The following PIN1 variants were observed in gnomAD, a reference collection of about 807,000 sequenced individuals.
PIN1 encodes peptidyl-prolyl cis-trans isomerase NIMA-interacting 1.
PIN1 carries 8 observed loss-of-function variants against 19.9 expected under a neutral mutation model. That is an observed-to-expected ratio of 0.40 (90% CI 0.24 to 0.72). PIN1 has a LOEUF of 0.72. Ranked by LOEUF, PIN1 falls within the 30% of genes least tolerant of loss-of-function variation. The pLI is 0.37. For synonymous variants in PIN1, 86 were observed against 90.8 expected (o/e 0.95, Z 0.30); for missense variants, 185 against 226.5 (o/e 0.82, Z 1.18).
rs946550841 is a variant in PIN1, at chr19:9,836,740, C to T, written c.58+1338C>T. On this transcript the variant is annotated intron_variant, in intron 1 of 3. Transcript: ENST00000247970. ...GTTCCTAGCTCTGCAACACCATGCA[C>T]GGTGTAGTAGCTAAGAGCAGAGCTT... 1.4e-5 allele frequency: 12 copies of T among 879,914 alleles called. No individual in the cohort carries two copies. In the Admixed American group the frequency reaches 1.4e-4, roughly 10 times the overall value. The allele number at this position is 879,914 out of a possible 1,614,324, so 54.5% of individuals were successfully genotyped here. A position where few individuals can be genotyped will look rare whatever the true frequency, so the allele number is the denominator to read the frequency against.
intron 1 of PIN1, chr19:9,835,727 C>G: frequency 2.7e-6 from 1 of 368,920 alleles, no homozygotes; most frequent in South Asian, 5.6e-5. Flanking sequence ...CTGCACCTTG[C>G]TGGGCCCGGG....
chr19:9,838,706 A>G lies in PIN1; in HGVS notation c.271+58A>G. ...GGTCTTCTCCCAGGTGAGCCTTTGT[A>G]GAAGTCACATCAGACCCTTCACCCC... On this transcript the variant is annotated intron_variant, in intron 2 of 3. Transcript: ENST00000247970. The surrounding 1 kb of genome is among the most constrained non-coding windows in gnomAD (Gnocchi z 5.8). The G allele has an allele frequency of 7.2e-7, 1 of 1,388,392 alleles. No individual in the cohort carries two copies. Among genetic ancestry groups the G allele is most frequent in the East Asian group, 2.5e-5 (1 of 39,936 alleles). 86.0% of individuals were successfully genotyped at this position (1,388,392 alleles called of 1,614,324 possible).
rs749148619 is a variant in PIN1 at position 9,849,147 on chromosome 19, G to A, written c.440G>A (p.Ser147Asn). 6.2e-7 allele frequency: 1 copy of A among 1,613,802 alleles called. No individual in the cohort carries two copies. The highest frequency in any genetic ancestry group is 8.5e-7 in the Non-Finnish European group (1 of 1,179,816). ...TTTGCGCTGCGGACGGGGGAGATGAGCGGGCCCGTGTTCACGGATTCCGGC... is the reference window on the plus strand; with the variant it reads ...TTTGCGCTGCGGACGGGGGAGATGAACGGGCCCGTGTTCACGGATTCCGGC... ...ASFALRTGEM[S>N]GPVFTDSGIH... The change falls in exon 4 of 4, where the codon AGC becomes AAC. Residue 147 changes from serine to asparagine, a missense_variant. Physicochemically the swap from Ser to Asn is conservative, Grantham distance 46 (BLOSUM62 1). Transcript: ENST00000247970.
At position 9,847,904 on chromosome 19, in the gene PIN1, G is replaced by A. The variant is rs1599455753; in HGVS notation, c.272-126G>A. 1.5e-5 allele frequency: 11 copies of A among 717,022 alleles called. No homozygotes were observed. The East Asian group carries it at 2.4e-4, about 15-fold the overall frequency. The allele number at this position is 717,022 out of a possible 1,614,324, so 44.4% of individuals were successfully genotyped here. ...GGGGTTGTGGGGAGCATGTGCGCCTGTGAGGGGAGGCTTTCCAACTGAAGT... is the reference window on the plus strand; with the variant it reads ...GGGGTTGTGGGGAGCATGTGCGCCTATGAGGGGAGGCTTTCCAACTGAAGT... On this transcript the variant is annotated intron_variant, in intron 2 of 3. Coordinates refer to ENST00000247970, the MANE Select transcript of PIN1 (RefSeq NM_006221.4).
chr19:9,837,186 C>T (rs1288703432), intron 1 of PIN1: 1 of 254,318 alleles, frequency 3.9e-6, no homozygotes, highest in Non-Finnish European at 7.9e-6. Flanking sequence ...CAGAATCTCA[C>T]TCTGTCACCC....
At chr19:9,847,829 G>A (rs1290076585) in intron 2 of PIN1, among the ~76,000 whole-genome samples, 1 of 152,192 alleles carries the variant, frequency 6.6e-6, no homozygotes, top group Admixed American at 6.5e-5. Context: ...CCTCTTCTTG[G>A]GTGTGGGTGA....
At chr19:9,836,423 C>A in intron 1 of PIN1, 1 of 180,120 alleles carries the variant, frequency 5.6e-6, no homozygotes, top group African/African-American at 2.3e-5. Flanking sequence ...AGTAGCTCAG[C>A]TGCATTTGCA....
At chr19:9,849,024 G>T in intron 3 of PIN1, 66 bp from the exon 4 acceptor site, 1 of 1,004,612 alleles carries the variant, frequency 1.0e-6, no homozygotes, top group Non-Finnish European at 1.6e-6. Flanking sequence ...GCTGCCACCC[G>T]CCCTGCCTCA....
At chr19:9,847,246 C>T (rs1460813326) in intron 2 of PIN1, among the ~76,000 whole-genome samples, 1 of 152,186 alleles carries the variant, frequency 6.6e-6, no homozygotes, top group African/African-American at 2.4e-5. Flanking sequence ...ACTCTGCTGC[C>T]GTCTTGCCCC....
intron 2 of PIN1, among the ~76,000 whole-genome samples, chr19:9,840,187 G>C (rs779707275): frequency 1.3e-5 from 2 of 152,124 alleles, no homozygotes; most frequent in Non-Finnish European, 2.9e-5. Flanking sequence ...AGGAGATCGA[G>C]ACCATCCTGG....
In PIN1 at chr19:9,849,117, C is replaced by T. The variant is rs765610061; in HGVS notation, c.410C>T (p.Ala137Val). The change falls in exon 4 of 4, where the codon GCC (alanine) becomes GTC (valine). Residue 137 changes from alanine to valine, a missense_variant. Physicochemically the swap from Ala to Val is moderately conservative, Grantham distance 64. Coordinates refer to ENST00000247970, the MANE Select transcript of PIN1 (RefSeq NM_006221.4). ...CAGATGCAGAAGCCATTTGAAGACG[C>T]CTCGTTTGCGCTGCGGACGGGGGAG... ...RGQMQKPFED[A>V]SFALRTGEMS... is the part of the protein sequence containing the mutation. 3.1e-6 allele frequency: 5 copies of T among 1,613,758 alleles called. No individual in the cohort carries two copies. The highest frequency in any genetic ancestry group is 4.2e-6 in the Non-Finnish European group (5 of 1,179,832).
chr19:9,841,826 T>C (rs1404080868), intron 2 of PIN1, among the ~76,000 whole-genome samples: 2 of 151,780 alleles, frequency 1.3e-5, no homozygotes, highest in African/African-American at 4.8e-5. Flanking sequence ...CCTATAAGAG[T>C]GAGCAGGAGG....
Position 9,841,830 on chromosome 19 carries a change from C to T in PIN1, c.271+3182C>T, listed in dbSNP as rs555923054. 5.1e-4 allele frequency among the ~76,000 whole-genome samples: 78 copies of T among 152,282 alleles called. 1 individual carries two copies. The highest frequency in any genetic ancestry group is 2.9e-5 in the Non-Finnish European group (2 of 68,022). ...GGCTTCCGGACCCTATAAGAGTGAG[C>T]AGGAGGGTGCAGGCATTTGGGGATG... On this transcript the variant is annotated intron_variant, in intron 2 of 3. Transcript: ENST00000247970.
intron 2 of PIN1, among the ~76,000 whole-genome samples, chr19:9,841,739 A>G (rs928344104): frequency 4.6e-5 from 7 of 152,162 alleles, no homozygotes; most frequent in African/African-American, 7.2e-5. Flanking sequence ...AAGTGGAGGG[A>G]GAAGCCAGGA....
Position 9,847,948 on chromosome 19 carries a change from C to T in PIN1, c.272-82C>T. On this transcript the variant is annotated intron_variant, in intron 2 of 3. Coordinates refer to ENST00000247970, the MANE Select transcript of PIN1 (RefSeq NM_006221.4). ...CTGAAGTGCTGCCTCCCCCGCTGGC[C>T]AGCTCTGGAGTCCTCCATCCTGTCT... 5.8e-6 allele frequency: 5 copies of T among 862,794 alleles called. No homozygotes were observed. The South Asian group carries it at 6.6e-5, about 11-fold the overall frequency. 53.4% of individuals were successfully genotyped at this position (862,794 alleles called of 1,614,324 possible). A position where few individuals can be genotyped will look rare whatever the true frequency, so the allele number is the denominator to read the frequency against.
chr19:9,848,246 G>A (rs1344925102), intron 3 of PIN1, 106 bp downstream of exon 3: 5 of 713,402 alleles, frequency 7.0e-6, no homozygotes, highest in Non-Finnish European at 1.3e-5. Flanking sequence ...ACCGGCCTTC[G>A]GGGTCCAGCA....
intron 2 of PIN1, among the ~76,000 whole-genome samples, chr19:9,841,787 T>C (rs2046168966): frequency 6.6e-6 from 1 of 152,178 alleles, no homozygotes; most frequent in Admixed American, 6.5e-5. Flanking sequence ...CTCCCAGCTC[T>C]AGTGGTCTCT....
Position 9,838,063 on chromosome 19 carries a change from GA to G in PIN1, c.59-372del. 2.8e-6 allele frequency: 1 copy of G among 351,314 alleles called. No homozygotes were observed. The highest frequency in any genetic ancestry group is 2.6e-5 in the South Asian group (1 of 37,738). The allele number at this position is 351,314 out of a possible 1,614,324, so 21.8% of individuals were successfully genotyped here. On this transcript the variant is annotated intron_variant, in intron 1 of 3. Transcript: ENST00000247970. This position sits in a 1 kb window ranked among gnomAD's most constrained non-coding sequence, Gnocchi z 5.8. ...TATATCACATTTGAACCCAGATTCA[GA>G]TTTGAATCCAGGTGGCCTGGCTGCT...
intron 2 of PIN1, among the ~76,000 whole-genome samples, chr19:9,842,841 GAC>G (rs1369012112): frequency 6.6e-6 from 1 of 152,242 alleles, no homozygotes; most frequent in African/African-American, 2.4e-5. Context: ...GTGATCAGGA[GAC>G]CATGATTTGG....
Sources: gnomAD v4.1 joint callset for allele counts (sites outside exome capture counted in the v4.1 genomes callset) on GRCh38, gnomAD v4.1.1 for gene constraint, Gnocchi (gnomAD v3.1) non-coding constraint, MANE v1.5 for transcripts, NCBI Gene and HGNC (gene_info 2026-07-23, HGNC 2026-07-21) for gene names.